ACYP2: variants seen among roughly 807,000 people sequenced by gnomAD.
ACYP2 encodes the protein acylphosphatase 2.
In ACYP2, 12 loss-of-function variants were observed where a neutral mutation model predicts 11.2. The observed-to-expected ratio is 1.08, with a 90% CI of 0.69 to 1.74. The LOEUF is 1.74. Ranked by LOEUF, ACYP2 falls within the 40% of genes most tolerant of loss-of-function variation. The probability of loss-of-function intolerance (pLI) is 0.00; values close to 1 mark genes in which losing one functional copy is unlikely to be tolerated. For missense variants in ACYP2, 134 were observed against 101.9 expected, an observed-to-expected ratio of 1.31 and a Z score of -1.35; for synonymous variants, 43 against 32.2, an observed-to-expected ratio of 1.33 and a Z score of -1.13.
intron 2 of ACYP2, among the ~76,000 whole-genome samples, chr2:54,050,443 G>C (rs1675782437): frequency 6.6e-6 from 1 of 151,630 alleles, no homozygotes. Context: ...CAGCTACTTA[G>C]GAGGCTGTGG....
At chr2:54,118,573 C>G (rs1303540286) in intron 4 of ACYP2, among the ~76,000 whole-genome samples, 2 of 152,196 alleles carry the variant, frequency 1.3e-5, no homozygotes, top group Admixed American at 1.3e-4. Flanking sequence ...GTTGTGCTTT[C>G]CCATTATAAG....
chr2:54,142,063 A>G (rs1184888914), intron 6 of ACYP2: 1 of 404,454 alleles, frequency 2.5e-6, no homozygotes, highest in Admixed American at 4.2e-5. Flanking sequence ...TTGTAGAGAT[A>G]GTGTCTCACT....
intron 6 of ACYP2, among the ~76,000 whole-genome samples, chr2:54,168,996 G>T (rs1045511863): frequency 6.6e-6 from 1 of 152,150 alleles, no homozygotes; most frequent in Non-Finnish European, 1.5e-5. Flanking sequence ...AACCTGTTGG[G>T]ATTTGTAAAG....
At chr2:54,083,129 A>C (rs1677755567) in intron 4 of ACYP2, among the ~76,000 whole-genome samples, 1 of 152,170 alleles carries the variant, frequency 6.6e-6, no homozygotes, top group Admixed American at 6.5e-5. Flanking sequence ...TACAGAGGAA[A>C]CTAGAGACTT....
chr2:54,166,899 T>C lies in ACYP2; in HGVS notation c.404+28151T>C, dbSNP rs556359387. On this transcript the variant is annotated intron_variant, in intron 6 of 6. Transcript: ENST00000607452. The stretch of plus-strand genomic sequence containing the variant: ...CAGGAGGGCAGCAGGCAGGCCCTCT[T>C]GATAAAGGACTCTTAAAATTTATTT... The C allele has an allele frequency of 5.3e-5, 8 of 152,300 alleles. No individual in the cohort carries two copies. The South Asian group carries it at 8.3e-4, about 16-fold the overall frequency. The allele number at this position is 152,300 out of a possible 1,614,324, so 9.4% of individuals were successfully genotyped here.
intron 6 of ACYP2, among the ~76,000 whole-genome samples, chr2:54,202,706 CTTTTTTTTTTTTTTTTTTTTT>C (rs70944152): frequency 4.0e-3 from 173 of 43,056 alleles, no homozygotes; most frequent in Non-Finnish European, 5.8e-3. Context: ...CGGCGCCTGG[CTTTTTTTTTTTTTTTTTTTTT>C]TTTTTTTTTT....
intron 4 of ACYP2, among the ~76,000 whole-genome samples, chr2:54,062,324 C>A (rs921789442): frequency 2.6e-5 from 4 of 152,142 alleles, no homozygotes; most frequent in African/African-American, 9.7e-5. Context: ...CTGACCTCCC[C>A]AATCATACAC....
At chr2:54,225,085 T>A (rs843760) in intron 6 of ACYP2, among the ~76,000 whole-genome samples, 101,156 of 152,142 alleles carry the variant, frequency 0.66, 34,621 homozygotes, top group East Asian at 0.96. Context: ...GCCACAGTGA[T>A]TGCCAGTTCC....
chr2:54,099,159 A>T (rs1191584628), intron 4 of ACYP2, among the ~76,000 whole-genome samples: 2 of 152,110 alleles, frequency 1.3e-5, no homozygotes, highest in African/African-American at 2.4e-5. Flanking sequence ...TTATTTTTTA[A>T]TTGGCAAATA....
intron 6 of ACYP2, among the ~76,000 whole-genome samples, chr2:54,227,713 A>T (rs556178056): frequency 2.0e-5 from 3 of 152,352 alleles, no homozygotes; most frequent in Admixed American, 2.0e-4. Context: ...GCCTTAAATT[A>T]TCAGAGTGGT....
At position 54,169,553 on chromosome 2, in the gene ACYP2, G is replaced by T. The variant is rs539047418; in HGVS notation, c.404+30805G>T. 3.3e-5 allele frequency among the ~76,000 whole-genome samples: 5 copies of T among 152,040 alleles called. No individual in the cohort carries two copies. In the East Asian group the frequency reaches 7.7e-4, roughly 23 times the overall value. Reference sequence around the variant, plus strand: ...GGTTCCCAAAGTGCTGAGATTACAGGCATGATCCACTTCACCTGGCCAACC... The same window carrying T: ...GGTTCCCAAAGTGCTGAGATTACAGTCATGATCCACTTCACCTGGCCAACC... On this transcript the variant is annotated intron_variant, in intron 6 of 6. Coordinates refer to ENST00000607452, the MANE Select transcript of ACYP2 (RefSeq NM_001320586.2).
At chr2:54,229,763 A>G (rs530060092) in intron 6 of ACYP2, among the ~76,000 whole-genome samples, 1 of 152,224 alleles carries the variant, frequency 6.6e-6, no homozygotes, top group Non-Finnish European at 1.5e-5. Flanking sequence ...TACTGTTAAG[A>G]GTCCCCCAAA....
intron 4 of ACYP2, among the ~76,000 whole-genome samples, chr2:54,085,304 G>T (rs1020037047): frequency 1.3e-5 from 2 of 152,148 alleles, no homozygotes; most frequent in Non-Finnish European, 2.9e-5. Flanking sequence ...TGCTTGTGGG[G>T]GTGTGAGAGT....
At chr2:53,988,568 A>G (rs929310203) in intron 2 of ACYP2, among the ~76,000 whole-genome samples, 5 of 151,076 alleles carry the variant, frequency 3.3e-5, no homozygotes, top group Admixed American at 2.6e-4. Context: ...GCCTGGCTAT[A>G]TATATGTATA....
At chr2:54,012,920 G>C (rs532749445) in intron 2 of ACYP2, among the ~76,000 whole-genome samples, 9 of 151,980 alleles carry the variant, frequency 5.9e-5, no homozygotes, top group Admixed American at 2.0e-4. Flanking sequence ...CTTCTTCTCT[G>C]ATCTCACCTC....
chr2:54,236,824 T>C (rs1329390689), intron 6 of ACYP2, among the ~76,000 whole-genome samples: 2 of 152,216 alleles, frequency 1.3e-5, no homozygotes, highest in African/African-American at 4.8e-5. Flanking sequence ...TTGTTTAATA[T>C]ATAATTTTGA....
At chr2:54,023,653 CATT>C (rs1674118787) in intron 2 of ACYP2, among the ~76,000 whole-genome samples, 1 of 152,090 alleles carries the variant, frequency 6.6e-6, no homozygotes, top group Non-Finnish European at 1.5e-5. Context: ...ATTTATACAC[CATT>C]TTTGGGTATT....
At chr2:54,233,068 A>C (rs1162375404) in intron 6 of ACYP2, among the ~76,000 whole-genome samples, 1 of 152,086 alleles carries the variant, frequency 6.6e-6, no homozygotes, top group Non-Finnish European at 1.5e-5. Flanking sequence ...CATGAATGGA[A>C]GTTGACTTTC....
chr2:54,201,631 TC>T (rs1246047060), intron 6 of ACYP2, among the ~76,000 whole-genome samples: 5 of 80,582 alleles, frequency 6.2e-5, no homozygotes, highest in African/African-American at 2.4e-4. Context: ...TTTGTTTCTT[TC>T]TTTCTCTTTC....
Sources: allele counts gnomAD v4.1 joint callset (sites outside exome capture counted in the v4.1 genomes callset), GRCh38; gene constraint gnomAD v4.1.1; transcripts MANE v1.5; gene names NCBI Gene and HGNC (gene_info 2026-07-23, HGNC 2026-07-21).